Variants in GATAD2A observed in about 807,000 individuals in gnomAD.
GATAD2A encodes GATA zinc finger domain containing 2A, also known as transcriptional repressor p66-alpha.
A neutral mutation model predicts 68.5 loss-of-function variants in GATAD2A; 12 were observed. The observed-to-expected ratio is 0.18, with a 90% CI of 0.11 to 0.28. The LOEUF is 0.28. Ranked by LOEUF, GATAD2A falls within the 10% of genes least tolerant of loss-of-function variation. The probability of loss-of-function intolerance (pLI) is 1.00; values close to 1 mark genes in which losing one functional copy is unlikely to be tolerated. For missense variants in GATAD2A, 755 were observed against 868.5 expected (o/e 0.87, Z 1.64); for synonymous variants, 410 against 375.3 (o/e 1.09, Z -1.07).
At chr19:19,436,478 T>C (rs1401655534) in intron 1 of GATAD2A, among the ~76,000 whole-genome samples, 1 of 152,240 alleles carries the variant, frequency 6.6e-6, no homozygotes, top group Non-Finnish European at 1.5e-5. Flanking sequence ...GATGAGCCTG[T>C]CCTCTCTGAG....
chr19:19,437,556 A>G (rs2054508837), intron 1 of GATAD2A, among the ~76,000 whole-genome samples: 1 of 152,118 alleles, frequency 6.6e-6, no homozygotes, highest in African/African-American at 2.4e-5. Flanking sequence ...CATTATCCCA[A>G]AAGGAAACAG....
chr19:19,464,173 C>T (rs1600198923), intron 1 of GATAD2A, among the ~76,000 whole-genome samples: 1 of 152,234 alleles, frequency 6.6e-6, no homozygotes, highest in South Asian at 2.1e-4. Context: ...ACAGATAGGA[C>T]CAGAGGGCTT....
intron 1 of GATAD2A, chr19:19,440,373 C>G (rs1168444944): frequency 5.1e-6 from 1 of 195,346 alleles, no homozygotes; most frequent in Non-Finnish European, 1.0e-5. Flanking sequence ...CAGGTTCATG[C>G]CATTCTTCTG....
At chr19:19,497,727 C>T (rs2060245740) in intron 7 of GATAD2A, among the ~76,000 whole-genome samples, 4 of 152,126 alleles carry the variant, frequency 2.6e-5, no homozygotes, top group Non-Finnish European at 5.9e-5. Context: ...CAGCTTTCAT[C>T]ATATTTCCAG....
intron 2 of GATAD2A, among the ~76,000 whole-genome samples, chr19:19,473,477 A>G (rs967155476): frequency 6.6e-5 from 10 of 152,190 alleles, no homozygotes; most frequent in Admixed American, 6.5e-4. Context: ...CTTGATGACA[A>G]TTAGAATCAT....
chr19:19,496,085 G>C lies in GATAD2A; in HGVS notation c.790G>C (p.Gly264Arg). 1 of 1,613,820 alleles carries C rather than the reference G, an allele frequency of 6.2e-7. No individual in the cohort carries two copies. The highest frequency in any genetic ancestry group is 8.5e-7 in the Non-Finnish European group (1 of 1,179,926). Reference sequence around the variant, plus strand: ...CAGCATTAGGCAACATTCCAGCACAGGGCCACCGCCCCTCCTCCTGGCCCC... The same window carrying C: ...CAGCATTAGGCAACATTCCAGCACACGGCCACCGCCCCTCCTCCTGGCCCC... ...IHSIRQHSST[G>R]PPPLLLAPRA... Residue 264 changes from glycine to arginine, a missense_variant, in exon 7 of 12, where the codon GGG (glycine) becomes CGG (arginine). Coordinates refer to ENST00000683918, the MANE Select transcript of GATAD2A (RefSeq NM_001384528.1).
At chr19:19,495,411 C>A (rs2060075697) in intron 5 of GATAD2A, among the ~76,000 whole-genome samples, 1 of 152,104 alleles carries the variant, frequency 6.6e-6, no homozygotes. Flanking sequence ...CAGGTTCAAG[C>A]AATTCTCCTG....
chr19:19,408,137 C>G (rs1433480141), intron 1 of GATAD2A, among the ~76,000 whole-genome samples: 1 of 152,128 alleles, frequency 6.6e-6, no homozygotes, highest in Non-Finnish European at 1.5e-5. Flanking sequence ...GTAGTTGGGA[C>G]TACCATGCCC....
At chr19:19,394,589 G>A (rs867085035) in intron 1 of GATAD2A, among the ~76,000 whole-genome samples, 1 of 152,096 alleles carries the variant, frequency 6.6e-6, no homozygotes, top group Non-Finnish European at 1.5e-5. Context: ...GGGATTACAG[G>A]CGGCATGCTG....
Position 19,507,148 on chromosome 19 carries a change from C to T in GATAD2A, c.*1674C>T, listed in dbSNP as rs1311503802. On this transcript the variant is annotated 3_prime_UTR_variant, in exon 12 of 12. Transcript: ENST00000683918. ...TTGGATGGGCTGAAGGAGGTGAGGACAGATTGGGGAAGGGTGGCTTTCATT... is the reference window on the plus strand; with the variant it reads ...TTGGATGGGCTGAAGGAGGTGAGGATAGATTGGGGAAGGGTGGCTTTCATT... 1 of 139,812 alleles carries T rather than the reference C, an allele frequency of 7.2e-6. No homozygotes were observed. The highest frequency in any genetic ancestry group is 2.7e-5 in the African/African-American group (1 of 36,764). The allele number at this position is 139,812 out of a possible 1,614,324, so 8.7% of individuals were successfully genotyped here.
chr19:19,506,195 A>T lies in GATAD2A; in HGVS notation c.*721A>T. ...GCCCTCGCTCCAGCTGAACGCCTCC[A>T]TTGCTGCTTGTTCTGGAGACCCCCG... On this transcript the variant is annotated 3_prime_UTR_variant, in exon 12 of 12. Coordinates refer to ENST00000683918, the MANE Select transcript of GATAD2A (RefSeq NM_001384528.1). 2.5e-6 allele frequency: 1 copy of T among 398,640 alleles called. No homozygotes were observed. Among genetic ancestry groups the T allele is most frequent in the Non-Finnish European group, 4.4e-6 (1 of 225,926 alleles). 24.7% of individuals were successfully genotyped at this position (398,640 alleles called of 1,614,324 possible).
Position 19,506,535 on chromosome 19 carries a change from A to G in GATAD2A, c.*1061A>G, listed in dbSNP as rs547193578. The G allele has an allele frequency of 5.7e-6, 1 of 174,374 alleles. No homozygotes were observed. The highest frequency in any genetic ancestry group is 2.0e-4 in the South Asian group (1 of 4,988). The allele number at this position is 174,374 out of a possible 1,614,324, so 10.8% of individuals were successfully genotyped here. A position where few individuals can be genotyped will look rare whatever the true frequency, so the allele number is the denominator to read the frequency against. On this transcript the variant is annotated 3_prime_UTR_variant, in exon 12 of 12. Coordinates refer to ENST00000683918, the MANE Select transcript of GATAD2A (RefSeq NM_001384528.1). ...AGGTGTGCGGCGAGCCGCTGCGCAC[A>G]GATGTCAGGATTTCCGTTTGGGTCT...
intron 3 of GATAD2A, 58 bp from the exon 4 acceptor site, chr19:19,492,523 G>A: frequency 6.2e-7 from 1 of 1,611,466 alleles, no homozygotes; most frequent in Non-Finnish European, 8.5e-7. Flanking sequence ...GTGATGGCAG[G>A]GCCTCTGCTC....
At chr19:19,462,100 A>T (rs986638016) in intron 1 of GATAD2A, among the ~76,000 whole-genome samples, 2 of 152,192 alleles carry the variant, frequency 1.3e-5, no homozygotes, top group Non-Finnish European at 2.9e-5. Flanking sequence ...ACTTTTAGGA[A>T]GTGTTCTAAT....
At chr19:19,435,373 G>A (rs920822819) in intron 1 of GATAD2A, among the ~76,000 whole-genome samples, 33 of 152,052 alleles carry the variant, frequency 2.2e-4, no homozygotes, top group Non-Finnish European at 3.8e-4. Context: ...ACAGGCACAC[G>A]CCACCACACC....
At chr19:19,436,349 C>G (rs2054340655) in intron 1 of GATAD2A, 1 of 461,928 alleles carries the variant, frequency 2.2e-6, no homozygotes. Context: ...GGGAGGCAGG[C>G]CCCCTGGGAT....
intron 8 of GATAD2A, among the ~76,000 whole-genome samples, chr19:19,499,484 G>A (rs954408914): frequency 2.6e-5 from 4 of 151,620 alleles, no homozygotes; most frequent in African/African-American, 9.7e-5. Flanking sequence ...AGCCTTCCCA[G>A]CACAGACTTG....
intron 1 of GATAD2A, among the ~76,000 whole-genome samples, chr19:19,447,670 G>C (rs946660357): frequency 1.3e-5 from 2 of 152,234 alleles, no homozygotes; most frequent in African/African-American, 4.8e-5. Context: ...TTTCATCATA[G>C]AAGTAGGTTT....
rs140338244 is a variant in GATAD2A at position 19,488,894 on chromosome 19, G to A, written c.270-3412G>A. ...TCACTTCCAAATAAACTTGGTGCCC[G>A]GGACGGCTGCTGTGGAGTGAATGGC... is the stretch of plus-strand genomic sequence containing the variant. On this transcript the variant is annotated intron_variant, in intron 2 of 11. Transcript: ENST00000683918. Among the ~76,000 whole-genome samples the A allele has an allele frequency of 7.5e-3, 1,144 of 152,290 alleles. 17 individuals are homozygous for A. The highest frequency in any genetic ancestry group is 0.026 in the African/African-American group (1,098 of 41,568).
Sources: allele counts gnomAD v4.1 joint callset (sites outside exome capture counted in the v4.1 genomes callset), GRCh38; gene constraint gnomAD v4.1.1; transcripts MANE v1.5; gene names NCBI Gene and HGNC (gene_info 2026-07-23, HGNC 2026-07-21).